NUP43: variants seen among roughly 807,000 people sequenced by gnomAD.
NUP43 encodes the protein nucleoporin 43, also known as nucleoporin Nup43.
NUP43 carries 32 observed loss-of-function variants against 47.3 expected under a neutral mutation model. The observed-to-expected ratio is 0.68, with a 90% CI of 0.51 to 0.91. The LOEUF (loss-of-function observed/expected upper bound fraction) is 0.91, where lower values mean the gene tolerates loss of function less well. NUP43 is among the 40% of genes least tolerant of loss of function. The pLI is 0.00. For missense variants in NUP43, 444 were observed against 453.9 expected (o/e 0.98, Z 0.20); for synonymous variants, 147 against 158.4 (o/e 0.93, Z 0.54).
rs1338322318 is a variant in NUP43 at position 149,735,619 on chromosome 6, A to AAAAC, written c.790+851_790+852insGTTT. 1.9e-4 allele frequency among the ~76,000 whole-genome samples: 28 copies of AAAAC among 150,396 alleles called. 1 individual carries two copies. In the South Asian group the frequency reaches 4.5e-3, roughly 24 times the overall value. On this transcript the variant is annotated intron_variant, in intron 6 of 7. Coordinates refer to ENST00000340413, the MANE Select transcript of NUP43 (RefSeq NM_198887.3). ...TCTCCAAAAAAAAAAAAAAAAAAAA[A>AAAAC]ACACACACAGAGATAAATATCTAAG...
rs1220226218 is a variant in NUP43, at chr6:149,726,067, T to C, written c.*902A>G. 6.6e-6 allele frequency: 1 copy of C among 152,112 alleles called. No homozygotes were observed. Among genetic ancestry groups the C allele is most frequent in the Non-Finnish European group, 1.5e-5 (1 of 68,034 alleles). 9.4% of individuals were successfully genotyped at this position (152,112 alleles called of 1,614,324 possible). A position where few individuals can be genotyped will look rare whatever the true frequency, so the allele number is the denominator to read the frequency against. On this transcript the variant is annotated 3_prime_UTR_variant, in exon 8 of 8. Transcript: ENST00000340413. ...GTCTAACAAGCTGAAAGAGTTCTGC[T>C]CAAAAACCTATTCTGAAAAAGGAAC...
intron 3 of NUP43, among the ~76,000 whole-genome samples, 190 bp from the exon 4 acceptor site, chr6:149,742,760 G>A (rs1027771781): frequency 1.3e-5 from 2 of 152,138 alleles, no homozygotes; most frequent in African/African-American, 4.8e-5. Context: ...AGATACAAAA[G>A]GAATATTGTT....
chr6:149,746,635 C>A, upstream of NUP43: 1 of 1,589,950 alleles, frequency 6.3e-7, no homozygotes, highest in Non-Finnish European at 8.6e-7. Context: ...TCGTCGATAG[C>A]CAGTGTGGGC....
At chr6:149,745,449 C>G (rs946402909) in intron 2 of NUP43, among the ~76,000 whole-genome samples, 1 of 150,956 alleles carries the variant, frequency 6.6e-6, no homozygotes, top group African/African-American at 2.4e-5. Flanking sequence ...CCACTCATTA[C>G]TGGTTTTGAG....
intron 5 of NUP43, among the ~76,000 whole-genome samples, chr6:149,738,166 T>C (rs1260029252): frequency 6.6e-6 from 1 of 152,224 alleles, no homozygotes; most frequent in Non-Finnish European, 1.5e-5. Flanking sequence ...TGTTAAATTA[T>C]TTAAAAACTC....
In NUP43 at chr6:149,736,010, G is replaced by A. The variant is rs1008411523; in HGVS notation, c.790+461C>T. Reference sequence around the variant, plus strand: ...AAAAAAAAAAAAACCAGGCACGGCGGCTCATGCCTGTAATCCCAGCACTTT... The same window carrying A: ...AAAAAAAAAAAAACCAGGCACGGCGACTCATGCCTGTAATCCCAGCACTTT... On this transcript the variant is annotated intron_variant, in intron 6 of 7. Transcript: ENST00000340413. 3.4e-5 allele frequency among the ~76,000 whole-genome samples: 5 copies of A among 146,132 alleles called. No homozygotes were observed. The South Asian group carries it at 8.6e-4, about 25-fold the overall frequency.
intron 7 of NUP43, chr6:149,728,359 A>G: frequency 4.1e-6 from 4 of 984,978 alleles, no homozygotes; most frequent in Non-Finnish European, 4.8e-6. Context: ...GGAGGAAGGA[A>G]GTAAAAACGA....
In NUP43 at chr6:149,746,529, C is replaced by T. The variant is rs536344963; in HGVS notation, c.-34G>A. On this transcript the variant is annotated 5_prime_UTR_variant, in exon 1 of 8. Transcript: ENST00000340413. ...CGGCCGCAGCAGGTACTGCAAAAAG[C>T]AAGCACAGTACGCGCCTCTCAGCAC... The T allele has an allele frequency of 3.5e-5, 57 of 1,614,100 alleles. No individual in the cohort carries two copies. The South Asian group carries it at 5.9e-4, about 17-fold the overall frequency.
intron 4 of NUP43, 133 bp downstream of exon 4, chr6:149,742,257 C>G (rs961158743): frequency 4.2e-6 from 3 of 720,362 alleles, no homozygotes; most frequent in Admixed American, 2.2e-5. Context: ...GACTCCCGAC[C>G]TCAGGTGATC....
upstream of NUP43, chr6:149,746,802 A>C: frequency 1.1e-6 from 1 of 914,834 alleles, no homozygotes. Context: ...ATTTAAGTGC[A>C]AAAACAGAAC....
rs560408543 is a variant in NUP43 at position 149,735,501 on chromosome 6, G to C, written c.790+970C>G. On this transcript the variant is annotated intron_variant, in intron 6 of 7. Transcript: ENST00000340413. ...GCATAATGGCTATGCCCAGCACTTTGGGAGAATCGTGTAAGTCCAGGAGTT... is the reference window on the plus strand; with the variant it reads ...GCATAATGGCTATGCCCAGCACTTTCGGAGAATCGTGTAAGTCCAGGAGTT... Among the ~76,000 whole-genome samples, 13 of 150,300 alleles carry C rather than the reference G, an allele frequency of 8.6e-5. No individual in the cohort carries two copies. In the South Asian group the frequency reaches 2.7e-3, roughly 32 times the overall value.
chr6:149,743,113 T>G (rs1785753046), intron 3 of NUP43, among the ~76,000 whole-genome samples: 1 of 151,314 alleles, frequency 6.6e-6, no homozygotes, highest in South Asian at 2.1e-4. Context: ...GAGATGCAGG[T>G]TGCAGTGAGC....
chr6:149,746,438 G>T lies in NUP43; in HGVS notation c.58C>A (p.Pro20Thr). 6.2e-7 allele frequency: 1 copy of T among 1,614,218 alleles called. No individual in the cohort carries two copies. The highest frequency in any genetic ancestry group is 8.5e-7 in the Non-Finnish European group (1 of 1,180,038). Reference protein sequence around the residue: ...SQKISKTRWRPLPPGSLQTAE... With the variant: ...SQKISKTRWRTLPPGSLQTAE... ...GTCTGTAAACTTCCCGGAGGCAGCG[G>T]TCGCCAGCGGGTTTTGCTGATTTTC... Residue 20 changes from proline (P) to threonine (T), a missense_variant, in exon 1 of 8, where the codon CCG becomes ACG. Coordinates refer to ENST00000340413, the MANE Select transcript of NUP43 (RefSeq NM_198887.3).
In NUP43 at chr6:149,726,603, AGGAACCCATTGGT is replaced by A. The variant is rs1784800292; in HGVS notation, c.*353_*365del. The A allele has an allele frequency of 3.9e-6, 1 of 255,966 alleles. No individual in the cohort carries two copies. Among genetic ancestry groups the A allele is most frequent in the Admixed American group, 4.9e-5 (1 of 20,268 alleles). The allele number at this position is 255,966 out of a possible 1,614,324, so 15.9% of individuals were successfully genotyped here. ...GCCACATACTACTGATAAAAATTGT[AGGAACCCATTGGT>A]AGTTCCCATAACCACCATTGATGTG... On this transcript the variant is annotated 3_prime_UTR_variant, in exon 8 of 8. Transcript: ENST00000340413.
chr6:149,730,767 CAA>C (rs1176551226), intron 7 of NUP43, among the ~76,000 whole-genome samples: 3 of 149,638 alleles, frequency 2.0e-5, no homozygotes, highest in Non-Finnish European at 4.4e-5. Context: ...CTCATCTCTA[CAA>C]AAAAATTAAA....
At chr6:149,736,374 G>T (rs952231455) in intron 6 of NUP43, 97 bp downstream of exon 6, 1 of 738,118 alleles carries the variant, frequency 1.4e-6, no homozygotes, top group Non-Finnish European at 2.0e-6. Flanking sequence ...TAAAAGCTAT[G>T]ATGTAAAATG....
chr6:149,732,199 A>G (rs1785089736), intron 6 of NUP43, among the ~76,000 whole-genome samples: 1 of 150,412 alleles, frequency 6.6e-6, no homozygotes, highest in South Asian at 2.1e-4. Context: ...AAAAAAAAAA[A>G]GAAAAGAAAG....
chr6:149,746,800 G>GCAAAAACAGAA (rs530308221), upstream of NUP43: 1 of 939,582 alleles, frequency 1.1e-6, no homozygotes, highest in African/African-American at 1.7e-5. Flanking sequence ...AAATTTAAGT[G>GCAAAAACAGAA]CAAAAACAGA....
At chr6:149,740,275 CAA>C (rs766447484) in intron 4 of NUP43, among the ~76,000 whole-genome samples, 2 of 22,444 alleles carry the variant, frequency 8.9e-5, no homozygotes, top group Admixed American at 6.9e-4. Context: ...GACCCTGTCT[CAA>C]AAAAAAAAAA....
Sources: gnomAD v4.1 joint callset for allele counts (sites outside exome capture counted in the v4.1 genomes callset) on GRCh38, gnomAD v4.1.1 for gene constraint, MANE v1.5 for transcripts, NCBI Gene and HGNC (gene_info 2026-07-23, HGNC 2026-07-21) for gene names.